GPC6: variants seen among roughly 807,000 people sequenced by gnomAD.
GPC6 encodes glypican 6.
Under a neutral mutation model 55.2 loss-of-function variants are expected in GPC6, and 14 were observed. The ratio of observed to expected loss-of-function variants is 0.25; its 90% CI spans 0.17 to 0.40. GPC6 has a LOEUF of 0.40. GPC6 is among the 10% of genes least tolerant of loss of function. The probability of loss-of-function intolerance (pLI) is 1.00; values close to 1 mark genes in which losing one functional copy is unlikely to be tolerated. For missense variants in GPC6, 641 were observed against 708.5 expected (o/e 0.90, Z 1.08); for synonymous variants, 278 against 259.6 (o/e 1.07, Z -0.68).
At chr13:93,939,105 T>TA (rs1047756680) in intron 3 of GPC6, among the ~76,000 whole-genome samples, 1 of 149,954 alleles carries the variant, frequency 6.7e-6, no homozygotes, top group Non-Finnish European at 1.5e-5. Flanking sequence ...TCAAAAAAAA[T>TA]AAAAAATAAA....
chr13:93,639,807 C>T (rs906019735), intron 2 of GPC6, among the ~76,000 whole-genome samples: 1 of 152,104 alleles, frequency 6.6e-6, no homozygotes. Flanking sequence ...ACAAAACTCA[C>T]AGATTCTGCA....
intron 6 of GPC6, among the ~76,000 whole-genome samples, chr13:94,381,864 A>G (rs532023464): frequency 3.7e-4 from 57 of 152,264 alleles, no homozygotes; most frequent in African/African-American, 1.3e-3. Flanking sequence ...AGTTCTAGAG[A>G]TTTTTAAGAG....
chr13:94,207,639 CT>C lies in GPC6; in HGVS notation c.878-78703del, dbSNP rs547352619. On this transcript the variant is annotated intron_variant, in intron 4 of 8. Coordinates refer to ENST00000377047, the MANE Select transcript of GPC6 (RefSeq NM_005708.5). ...TCTTTAATTTTCTAGAATGAATACTCTTTTTTTCCCCCTTAGGTGATGACCA... is the reference window on the plus strand; with the variant it reads ...TCTTTAATTTTCTAGAATGAATACTCTTTTTTCCCCCTTAGGTGATGACCA... Among the ~76,000 whole-genome samples, 11 of 152,242 alleles carry C rather than the reference CT, an allele frequency of 7.2e-5. No individual in the cohort carries two copies. In the East Asian group the frequency reaches 1.4e-3, roughly 19 times the overall value.
intron 2 of GPC6, among the ~76,000 whole-genome samples, chr13:93,632,057 C>A (rs1296029466): frequency 6.6e-6 from 1 of 152,150 alleles, no homozygotes. Context: ...ACTGACATAG[C>A]ATTTCAGATT....
At chr13:93,481,595 T>C (rs1879522593) in intron 1 of GPC6, among the ~76,000 whole-genome samples, 1 of 151,604 alleles carries the variant, frequency 6.6e-6, no homozygotes, top group African/African-American at 2.4e-5. Context: ...CTTATTTTTT[T>C]GGTGATAATT....
At chr13:93,455,053 G>T (rs1461931503) in intron 1 of GPC6, among the ~76,000 whole-genome samples, 2 of 152,202 alleles carry the variant, frequency 1.3e-5, no homozygotes, top group Non-Finnish European at 2.9e-5. Flanking sequence ...ATTGCCCGGA[G>T]CCGGCAGGGC....
chr13:93,581,721 T>A (rs1876945316), intron 2 of GPC6, among the ~76,000 whole-genome samples: 1 of 151,870 alleles, frequency 6.6e-6, no homozygotes, highest in African/African-American at 2.4e-5. Flanking sequence ...AAAAAGAAAA[T>A]CTCAGTTGTA....
intron 1 of GPC6, among the ~76,000 whole-genome samples, chr13:93,469,791 T>C (rs764070451): frequency 9.6e-5 from 13 of 134,824 alleles, no homozygotes; most frequent in Non-Finnish European, 1.9e-4. Flanking sequence ...TTACACTAGG[T>C]TTTTTTTGTT....
At chr13:93,419,648 GTAA>G in intron 1 of GPC6, among the ~76,000 whole-genome samples, 1 of 152,246 alleles carries the variant, frequency 6.6e-6, no homozygotes, top group Non-Finnish European at 1.5e-5. Context: ...ATCCAAGCCT[GTAA>G]CACAGTGAAG....
At chr13:93,389,213 T>C (rs1734959158) in intron 1 of GPC6, among the ~76,000 whole-genome samples, 1 of 151,992 alleles carries the variant, frequency 6.6e-6, no homozygotes, top group African/African-American at 2.4e-5. Context: ...TAAAAATATA[T>C]GCTGCCAGGC....
chr13:94,156,203 C>T (rs758020465), intron 4 of GPC6, among the ~76,000 whole-genome samples: 1 of 151,992 alleles, frequency 6.6e-6, no homozygotes, highest in Non-Finnish European at 1.5e-5. Flanking sequence ...TAAGGAGAAA[C>T]CTGGCAAGTC....
At chr13:94,334,963 C>A (rs998455657) in intron 6 of GPC6, among the ~76,000 whole-genome samples, 13 of 152,180 alleles carry the variant, frequency 8.5e-5, no homozygotes, top group Admixed American at 7.2e-4. Flanking sequence ...CTATTAGACA[C>A]CATGCAAATG....
chr13:93,572,793 T>C (rs190742642), intron 2 of GPC6, among the ~76,000 whole-genome samples: 2 of 152,256 alleles, frequency 1.3e-5, no homozygotes, highest in Non-Finnish European at 2.9e-5. Flanking sequence ...TTCAGAACAG[T>C]TTTGCTCTGT....
At chr13:94,209,268 AG>A (rs1360049579) in intron 4 of GPC6, among the ~76,000 whole-genome samples, 1 of 152,152 alleles carries the variant, frequency 6.6e-6, no homozygotes, top group Non-Finnish European at 1.5e-5. Flanking sequence ...TGTATTCTCC[AG>A]TCTTGTGGCT....
At chr13:93,988,401 G>A (rs947101960) in intron 3 of GPC6, among the ~76,000 whole-genome samples, 2 of 152,068 alleles carry the variant, frequency 1.3e-5, no homozygotes, top group Admixed American at 6.6e-5. Context: ...GTACCTTTCG[G>A]ATAGGACTTC....
Position 94,045,789 on chromosome 13 carries a change from C to T in GPC6, c.877+17895C>T, listed in dbSNP as rs114357267. 5.2e-3 allele frequency among the ~76,000 whole-genome samples: 785 copies of T among 151,314 alleles called. 11 individuals are homozygous for T. The highest frequency in any genetic ancestry group is 0.018 in the African/African-American group (754 of 41,320). ...CCCTACCATGACACACACTCTCTAC[C>T]ATTGCCATACCCACATCTACTCAAG... On this transcript the variant is annotated intron_variant, in intron 4 of 8. Coordinates refer to ENST00000377047, the MANE Select transcript of GPC6 (RefSeq NM_005708.5).
At position 94,200,572 on chromosome 13, in the gene GPC6, A is replaced by G. The variant is rs1423790934; in HGVS notation, c.878-85777A>G. On this transcript the variant is annotated intron_variant, in intron 4 of 8. Coordinates refer to ENST00000377047, the MANE Select transcript of GPC6 (RefSeq NM_005708.5). ...GTTCAACTAGCTGAAGTCTATTTTA[A>G]TGGTGTCTCTATTCAAATAAAAGTG... Among the ~76,000 whole-genome samples, 6 of 152,114 alleles carry G rather than the reference A, an allele frequency of 3.9e-5. No homozygotes were observed. The South Asian group carries it at 6.2e-4, about 16-fold the overall frequency.
At chr13:94,396,225 CTCTT>C (rs1056565428) in intron 7 of GPC6, among the ~76,000 whole-genome samples, 2 of 152,294 alleles carry the variant, frequency 1.3e-5, no homozygotes, top group East Asian at 1.9e-4. Context: ...TCTTTAAACT[CTCTT>C]TATTACCCCT....
At chr13:94,306,243 C>T in intron 6 of GPC6, 120 bp downstream of exon 6, 1 of 952,452 alleles carries the variant, frequency 1.0e-6, no homozygotes, top group Non-Finnish European at 1.7e-6. Flanking sequence ...TTATATCTGC[C>T]TCTGTTCTTA....
Sources: allele counts gnomAD v4.1 joint callset (sites outside exome capture counted in the v4.1 genomes callset), GRCh38; gene constraint gnomAD v4.1.1; transcripts MANE v1.5; gene names NCBI Gene and HGNC (gene_info 2026-07-23, HGNC 2026-07-21).